Variants in NOL4L observed in about 807,000 individuals in gnomAD.
NOL4L encodes nucleolar protein 4 like, also known as nucleolar protein 4-like.
Under a neutral mutation model 64.5 loss-of-function variants are expected in NOL4L, and 7 were observed. The ratio of observed to expected loss-of-function variants is 0.11; its 90% CI spans 0.06 to 0.20. NOL4L has a LOEUF of 0.20. Ranked by LOEUF, NOL4L falls within the 10% of genes least tolerant of loss-of-function variation. NOL4L has a pLI of 1.00. For synonymous variants in NOL4L, 413 were observed against 401.0 expected (o/e 1.03, Z -0.36); for missense variants, 680 against 967.1 (o/e 0.70, Z 3.94).
At chr20:32,559,783 G>A (rs1978887198) in intron 1 of NOL4L, among the ~76,000 whole-genome samples, 1 of 152,244 alleles carries the variant, frequency 6.6e-6, no homozygotes, top group Admixed American at 6.5e-5. Context: ...TCACCTCCGA[G>A]CTGGCTGCCG....
chr20:32,517,922 T>C (rs1172073716), intron 3 of NOL4L, among the ~76,000 whole-genome samples: 1 of 152,220 alleles, frequency 6.6e-6, no homozygotes, highest in Admixed American at 6.5e-5. Flanking sequence ...CTTGGATGTA[T>C]GATTTCACCT....
At chr20:32,530,967 T>TAA (rs1334170410) in intron 1 of NOL4L, among the ~76,000 whole-genome samples, 6 of 152,210 alleles carry the variant, frequency 3.9e-5, no homozygotes, top group African/African-American at 1.4e-4. Flanking sequence ...AATCTGTGTA[T>TAA]TTCTGTATGT....
chr20:32,475,486 C>T (rs2015330433), intron 4 of NOL4L: 1 of 279,884 alleles, frequency 3.6e-6, no homozygotes, highest in Admixed American at 6.5e-5. Flanking sequence ...ACGCCTGCCT[C>T]CTCTCTCCTC....
intron 3 of NOL4L, among the ~76,000 whole-genome samples, chr20:32,513,414 G>A (rs552202611): frequency 3.3e-4 from 51 of 152,320 alleles, no homozygotes; most frequent in African/African-American, 1.2e-3. Flanking sequence ...AATTCAAAGA[G>A]ACAGAAAGTA....
At position 32,488,746 on chromosome 20, in the gene NOL4L, TTTTCCTTCCTTC is replaced by T. The variant is rs1600736790; in HGVS notation, c.700-14016_700-14005del. The stretch of plus-strand genomic sequence containing the variant: ...TTTCTTTCTTTCTTTTCTTTCTTTC[TTTTCCTTCCTTC>T]CTTCCTTCCTTCCTTCCTTCCTTCC... On this transcript the variant is annotated intron_variant, in intron 4 of 10. Transcript: ENST00000621426. 2.2e-5 allele frequency among the ~76,000 whole-genome samples: 3 copies of T among 138,904 alleles called. No individual in the cohort carries two copies. In the East Asian group the frequency reaches 7.1e-4, roughly 33 times the overall value. The allele number at this position is 138,904 out of a possible 152,430, so 91.1% of individuals were successfully genotyped here.
At chr20:32,472,831 T>C (rs2015116567) in intron 5 of NOL4L, among the ~76,000 whole-genome samples, 1 of 152,008 alleles carries the variant, frequency 6.6e-6, no homozygotes, top group African/African-American at 2.4e-5. Context: ...ATCCTCCCTG[T>C]CCCAGCTCTG....
chr20:32,488,865 T>C (rs1019747311), intron 4 of NOL4L, among the ~76,000 whole-genome samples: 5 of 105,692 alleles, frequency 4.7e-5, no homozygotes, highest in East Asian at 2.6e-4. Context: ...CTTTCTTTCT[T>C]TCTTTCTTTC....
intron 4 of NOL4L, among the ~76,000 whole-genome samples, chr20:32,502,404 C>G (rs1281029928): frequency 6.6e-6 from 1 of 150,746 alleles, no homozygotes; most frequent in African/African-American, 2.4e-5. Flanking sequence ...ATCAGCCTGG[C>G]CAACAGGGTG....
chr20:32,532,801 G>A (rs1282809467), intron 1 of NOL4L, among the ~76,000 whole-genome samples: 2 of 152,164 alleles, frequency 1.3e-5, no homozygotes, highest in Non-Finnish European at 2.9e-5. Flanking sequence ...GTAATGGAAT[G>A]GAACCCTGTA....
rs1383422928 is a variant in NOL4L, at chr20:32,520,801, C to T, written c.589+10G>A. 5.9e-6 allele frequency: 9 copies of T among 1,523,444 alleles called. No individual in the cohort carries two copies. Among genetic ancestry groups the T allele is most frequent in the Non-Finnish European group, 8.0e-6 (9 of 1,122,354 alleles). 94.4% of individuals were successfully genotyped at this position (1,523,444 alleles called of 1,614,324 possible). A position where few individuals can be genotyped will look rare whatever the true frequency, so the allele number is the denominator to read the frequency against. On this transcript the variant is annotated intron_variant, in intron 3 of 10. Transcript: ENST00000621426. ...CCCGCCCTAGCCCTCCAGCACGCCA[C>T]CCCTGCTACCTTTGGGTTCCAGGCC...
chr20:32,462,069 G>A (rs536173958), intron 5 of NOL4L, among the ~76,000 whole-genome samples: 1 of 152,186 alleles, frequency 6.6e-6, no homozygotes, highest in South Asian at 2.1e-4. Flanking sequence ...AGGACATCAC[G>A]CGGGGACTCC....
At position 32,447,350 on chromosome 20, in the gene NOL4L, G is replaced by A. The variant is rs540393376; in HGVS notation, c.*246C>T. The A allele has an allele frequency of 1.7e-6, 1 of 596,134 alleles. No homozygotes were observed. Among genetic ancestry groups the A allele is most frequent in the Non-Finnish European group, 3.0e-6 (1 of 337,638 alleles). The allele number at this position is 596,134 out of a possible 1,614,324, so 36.9% of individuals were successfully genotyped here. On this transcript the variant is annotated 3_prime_UTR_variant, in exon 11 of 11. Coordinates refer to ENST00000621426, the MANE Select transcript of NOL4L (RefSeq NM_001256798.2). Reference sequence around the variant, plus strand: ...CAGGGGAGCCCCCAACCCTTCCAGAGCTGCCCCGTTGGCCTCTTCCAAGCA... The same window carrying A: ...CAGGGGAGCCCCCAACCCTTCCAGAACTGCCCCGTTGGCCTCTTCCAAGCA...
intron 4 of NOL4L, among the ~76,000 whole-genome samples, chr20:32,491,832 T>C (rs1264901381): frequency 6.6e-6 from 1 of 152,182 alleles, no homozygotes; most frequent in East Asian, 1.9e-4. Context: ...GAACACACAG[T>C]AGGCTGGGCA....
intron 1 of NOL4L, among the ~76,000 whole-genome samples, chr20:32,565,438 C>T (rs918702117): frequency 4.6e-5 from 7 of 152,210 alleles, no homozygotes; most frequent in African/African-American, 1.2e-4. Context: ...TATTGCATAG[C>T]ACACATGTGC....
intron 4 of NOL4L, among the ~76,000 whole-genome samples, chr20:32,478,690 C>G (rs1234406472): frequency 6.6e-6 from 1 of 152,158 alleles, no homozygotes; most frequent in East Asian, 1.9e-4. Flanking sequence ...ACAGCCTCGA[C>G]CCCCCAGGCT....
chr20:32,514,492 AG>A (rs113744751), intron 3 of NOL4L, among the ~76,000 whole-genome samples: 85 of 150,418 alleles, frequency 5.7e-4, no homozygotes, highest in Admixed American at 1.3e-3. Context: ...CTCCGTCCCA[AG>A]GAAAAAAAAA....
chr20:32,530,002 G>A (rs969622926), intron 1 of NOL4L, among the ~76,000 whole-genome samples: 7 of 152,100 alleles, frequency 4.6e-5, no homozygotes, highest in African/African-American at 1.7e-4. Context: ...GACATCTCAG[G>A]CCATCTGTAC....
In NOL4L at chr20:32,584,829, G is replaced by A; in HGVS notation, c.62C>T (p.Ser21Leu). The change falls in exon 1 of 11, where the codon TCG (serine) becomes TTG (leucine). Residue 21 changes from serine (S) to leucine (L), a missense_variant. Around this residue, in one of 4 missense-constraint regions of NOL4L, gnomAD observed 181 missense variants for 335.2 expected, o/e 0.54. Transcript: ENST00000621426. ...GWERERSPGD[S>L]ELGRQFRDWC... ...GTCCCGGAACTGGCGGCCCAGCTCC[G>A]AGTCCCCGGGGCTGCGCTCGCGCTC... 2.6e-6 allele frequency: 4 copies of A among 1,512,124 alleles called. No homozygotes were observed. Among genetic ancestry groups the A allele is most frequent in the Middle Eastern group, 3.4e-4 (2 of 5,838 alleles). The allele number at this position is 1,512,124 out of a possible 1,614,324, so 93.7% of individuals were successfully genotyped here.
chr20:32,501,600 C>T (rs142570955), intron 4 of NOL4L, among the ~76,000 whole-genome samples: 333 of 152,014 alleles, frequency 2.2e-3, no homozygotes, highest in Middle Eastern at 6.8e-3. Flanking sequence ...AACTGTGTGT[C>T]GAGGAGTGGG....
Sources: allele counts gnomAD v4.1 joint callset (sites outside exome capture counted in the v4.1 genomes callset), GRCh38; gene constraint gnomAD v4.1.1; regional missense constraint gnomAD v4.1.1; transcripts MANE v1.5; gene names NCBI Gene and HGNC (gene_info 2026-07-23, HGNC 2026-07-21).